Variants in RHOBTB3 observed in about 807,000 individuals in gnomAD.
RHOBTB3 encodes the protein Rho related BTB domain containing 3.
Under a neutral mutation model 67.2 loss-of-function variants are expected in RHOBTB3, and 47 were observed. The observed-to-expected ratio is 0.70, with a 90% CI of 0.55 to 0.89. The LOEUF is 0.89. Ranked by LOEUF, RHOBTB3 falls within the 40% of genes least tolerant of loss-of-function variation. The probability of loss-of-function intolerance (pLI) is 0.00; values close to 1 mark genes in which losing one functional copy is unlikely to be tolerated. For synonymous variants in RHOBTB3, 273 were observed against 274.2 expected (o/e 1.00, Z 0.04); for missense variants, 631 against 750.0 (o/e 0.84, Z 1.85).
intron 7 of RHOBTB3, among the ~76,000 whole-genome samples, chr5:95,764,335 AAGGC>A (rs1296842182): frequency 6.6e-6 from 1 of 152,216 alleles, no homozygotes; most frequent in Non-Finnish European, 1.5e-5. Context: ...TTTTGAGAGG[AAGGC>A]AGTTTTGAAT....
intron 8 of RHOBTB3, chr5:95,770,696 G>T: frequency 4.2e-6 from 2 of 473,644 alleles, no homozygotes; most frequent in Non-Finnish European, 8.5e-6. Context: ...ATGGGAGGTG[G>T]CATTTCTGAT....
Position 95,776,453 on chromosome 5 carries a change from A to G in RHOBTB3, c.1283-3799A>G, listed in dbSNP as rs1263193665. Among the ~76,000 whole-genome samples the G allele has an allele frequency of 2.0e-5, 3 of 151,996 alleles. No homozygotes were observed. In the East Asian group the frequency reaches 5.8e-4, roughly 29 times the overall value. On this transcript the variant is annotated intron_variant, in intron 8 of 11. Coordinates refer to ENST00000379982, the MANE Select transcript of RHOBTB3 (RefSeq NM_014899.4). ...TAAAAAAATAAATTTAAAAAATGTA[A>G]TTTATTTTATAATTATATTTTGTAA...
chr5:95,735,400 A>G (rs1188710855), intron 2 of RHOBTB3, among the ~76,000 whole-genome samples: 2 of 151,756 alleles, frequency 1.3e-5, no homozygotes, highest in Non-Finnish European at 2.9e-5. Context: ...CTGGGAGGGT[A>G]TGGGGAACTG....
rs770047415 is a variant in RHOBTB3, at chr5:95,763,574, C to T, written c.1115C>T (p.Ser372Leu). The T allele has an allele frequency of 4.3e-6, 7 of 1,612,228 alleles. No individual in the cohort carries two copies. Among genetic ancestry groups the T allele is most frequent in the Middle Eastern group, 1.7e-4 (1 of 6,052 alleles). The change falls in exon 7 of 12, where the codon TCA becomes TTA. Residue 372 changes from serine to leucine, a missense_variant. Coordinates refer to ENST00000379982, the MANE Select transcript of RHOBTB3 (RefSeq NM_014899.4). ...AAGTTGAAAGATTCTGGGGATGTTT[C>T]AAATGTAATCGAGAAAGTTAAATGC... is the stretch of plus-strand genomic sequence containing the variant. ...RKKLKDSGDVSNVIEKVKCIL... is the reference protein window; with the variant it reads ...RKKLKDSGDVLNVIEKVKCIL...
chr5:95,741,423 CATT>C (rs562448655), intron 3 of RHOBTB3, among the ~76,000 whole-genome samples: 34 of 150,076 alleles, frequency 2.3e-4, no homozygotes, highest in South Asian at 1.1e-3. Context: ...TGGGGTTTAT[CATT>C]GTTGTTGTCT....
chr5:95,737,795 A>G (rs1304200895), intron 3 of RHOBTB3, among the ~76,000 whole-genome samples: 1 of 152,344 alleles, frequency 6.6e-6, no homozygotes, highest in East Asian at 1.9e-4. Context: ...ATTTTTACCT[A>G]TGTATACAGC....
At chr5:95,728,447 C>G (rs1333098345), upstream of RHOBTB3, among the ~76,000 whole-genome samples, 1 of 152,146 alleles carries the variant, frequency 6.6e-6, no homozygotes, top group Non-Finnish European at 1.5e-5. Flanking sequence ...CTATTAAGAC[C>G]TAAGACAATG....
At position 95,783,907 on chromosome 5, in the gene RHOBTB3, A is replaced by G; in HGVS notation, c.1567A>G (p.Ser523Gly). 6.2e-7 allele frequency: 1 copy of G among 1,614,044 alleles called. No homozygotes were observed. The highest frequency in any genetic ancestry group is 8.5e-7 in the Non-Finnish European group (1 of 1,179,904). Residue 523 changes from serine (S) to glycine (G), a missense_variant, in exon 10 of 12, where the codon AGC (serine) becomes GGC (glycine). Physicochemically the swap from Ser to Gly is moderately conservative, Grantham distance 56. Transcript: ENST00000379982. ...CATTACCCAGCTGCAGAGCATGCCA[A>G]GCAGGGAACTGGCATCCATGAACCT... ...FIITQLQSMPSRELASMNLDI... is the reference protein window; with the variant it reads ...FIITQLQSMPGRELASMNLDI...
upstream of RHOBTB3, chr5:95,730,929 G>T (rs944674326): frequency 2.2e-6 from 1 of 460,806 alleles, no homozygotes. Context: ...CAAGAGGGGG[G>T]GAAATCGGGT....
chr5:95,752,382 T>C, intron 5 of RHOBTB3, 32 bp downstream of exon 5: 1 of 1,331,334 alleles, frequency 7.5e-7, no homozygotes, highest in Non-Finnish European at 1.1e-6. Context: ...TAGACATTCA[T>C]TAAACATTCA....
At chr5:95,737,184 G>C in intron 3 of RHOBTB3, 109 bp downstream of exon 3, 4 of 706,700 alleles carry the variant, frequency 5.7e-6, no homozygotes, top group Non-Finnish European at 9.0e-6. Context: ...AAACCAAAAT[G>C]ACTTTGGTTC....
At chr5:95,719,787 G>A (rs1754809329) in intron 1 of RHOBTB3, 1 of 152,142 alleles carries the variant, frequency 6.6e-6, no homozygotes, top group African/African-American at 2.4e-5. Context: ...CCAATCAGAA[G>A]AGAAAATTTT....
chr5:95,764,819 T>A (rs1032114187), intron 7 of RHOBTB3, among the ~76,000 whole-genome samples: 1 of 152,182 alleles, frequency 6.6e-6, no homozygotes, highest in Non-Finnish European at 1.5e-5. Context: ...GTTCTTTAGT[T>A]GAGAAAATAG....
intron 3 of RHOBTB3, among the ~76,000 whole-genome samples, chr5:95,739,340 T>C: frequency 6.6e-6 from 1 of 151,748 alleles, no homozygotes; most frequent in South Asian, 2.1e-4. Context: ...CATTTAGTTA[T>C]TTGTCATGGT....
chr5:95,783,865 A>G lies in RHOBTB3; in HGVS notation c.1525A>G (p.Ile509Val), dbSNP rs1746141135. Residue 509 changes from isoleucine to valine, a missense_variant, in exon 10 of 12, where the codon ATC becomes GTC. Coordinates refer to ENST00000379982, the MANE Select transcript of RHOBTB3 (RefSeq NM_014899.4). ...GTACCAAGTGTCCAGACTGCAGCACATCTGTGAGCTGTTCATCATTACCCA... is the reference window on the plus strand; with the variant it reads ...GTACCAAGTGTCCAGACTGCAGCACGTCTGTGAGCTGTTCATCATTACCCA... ...EMYQVSRLQH[I>V]CELFIITQLQ... 3 of 1,614,002 alleles carry G rather than the reference A, an allele frequency of 1.9e-6. No homozygotes were observed. Among genetic ancestry groups the G allele is most frequent in the Non-Finnish European group, 8.5e-7 (1 of 1,179,928 alleles).
intron 6 of RHOBTB3, among the ~76,000 whole-genome samples, chr5:95,758,772 T>G (rs1304888492): frequency 6.6e-6 from 1 of 152,204 alleles, no homozygotes. Context: ...AGATTCTGAT[T>G]CAGTTACCTG....
chr5:95,752,184 A>ATTTTTGCATATATATATATAGTTT (rs1745109754), intron 4 of RHOBTB3, 55 bp from the exon 5 acceptor site: 3 of 1,070,150 alleles, frequency 2.8e-6, no homozygotes, highest in Non-Finnish European at 4.2e-6. Flanking sequence ...GCAAATTTTC[A>ATTTTTGCATATATATATATAGTTT]TGTTGGATAT....
upstream of RHOBTB3, among the ~76,000 whole-genome samples, chr5:95,727,880 A>G (rs1755104000): frequency 6.6e-6 from 1 of 152,214 alleles, no homozygotes; most frequent in South Asian, 2.1e-4. Flanking sequence ...TTTATCACTC[A>G]AATCACAGTA....
At chr5:95,743,854 A>G (rs1484830972) in intron 3 of RHOBTB3, among the ~76,000 whole-genome samples, 8 of 151,696 alleles carry the variant, frequency 5.3e-5, no homozygotes, top group African/African-American at 9.7e-5. Flanking sequence ...AATTATAGGT[A>G]TGAACCACCA....
Sources: gnomAD v4.1 joint callset for allele counts (sites outside exome capture counted in the v4.1 genomes callset) on GRCh38, gnomAD v4.1.1 for gene constraint, MANE v1.5 for transcripts, NCBI Gene and HGNC (gene_info 2026-07-23, HGNC 2026-07-21) for gene names.